Variants in TMTC4 observed in about 807,000 individuals in gnomAD.
The protein encoded by TMTC4 is transmembrane O-mannosyltransferase targeting cadherins 4, also known as protein O-mannosyl-transferase TMTC4.
Under a neutral mutation model 86.0 loss-of-function variants are expected in TMTC4, and 65 were observed. The observed-to-expected ratio is 0.76, with a 90% confidence interval of 0.62 to 0.93. The LOEUF is 0.93. TMTC4 is among the 40% of genes least tolerant of loss of function. TMTC4 has a pLI of 0.00. For synonymous variants in TMTC4, 379 were observed against 382.5 expected, an observed-to-expected ratio of 0.99 and a Z score of 0.11; for missense variants, 866 against 948.1, an observed-to-expected ratio of 0.91 and a Z score of 1.14.
chr13:100,647,525 A>G (rs182233332), intron 6 of TMTC4, among the ~76,000 whole-genome samples: 1 of 152,284 alleles, frequency 6.6e-6, no homozygotes, highest in East Asian at 1.9e-4. Context: ...ACATTCCCCA[A>G]TGTAACAGTC....
At chr13:100,644,094 C>T (rs1566612522) in intron 6 of TMTC4, among the ~76,000 whole-genome samples, 1 of 149,084 alleles carries the variant, frequency 6.7e-6, no homozygotes, top group African/African-American at 2.5e-5. Context: ...GGGTGGGAGG[C>T]GCTCTTTTTT....
Position 100,636,753 on chromosome 13 carries a change from A to C in TMTC4, c.1000-19T>G, listed in dbSNP as rs1882277232. 1 of 1,613,324 alleles carries C rather than the reference A, an allele frequency of 6.2e-7. No individual in the cohort carries two copies. The highest frequency in any genetic ancestry group is 8.5e-7 in the Non-Finnish European group (1 of 1,179,248). Reference sequence around the variant, plus strand: ...TTACGGCCTGCCAGTCAAAAGGAGAACAAACATCTATTTGATACTGAACTT... The same window carrying C: ...TTACGGCCTGCCAGTCAAAAGGAGACCAAACATCTATTTGATACTGAACTT... On this transcript the variant is annotated intron_variant, in intron 9 of 18. Transcript: ENST00000342624.
chr13:100,655,534 G>A (rs1056578559), intron 6 of TMTC4, among the ~76,000 whole-genome samples: 1 of 152,086 alleles, frequency 6.6e-6, no homozygotes, highest in East Asian at 1.9e-4. Context: ...TTCATTATGG[G>A]GCCGGCCAAT....
chr13:100,612,304 C>A, intron 17 of TMTC4, 94 bp downstream of exon 17: 1 of 1,014,988 alleles, frequency 9.9e-7, no homozygotes, highest in Admixed American at 2.6e-5. Flanking sequence ...CTGTTTTGGC[C>A]TGATTCCTAA....
intron 6 of TMTC4, among the ~76,000 whole-genome samples, chr13:100,652,359 G>C (rs559578888): frequency 5.6e-4 from 83 of 148,660 alleles, no homozygotes; most frequent in Non-Finnish European, 1.1e-3. Context: ...GGTGACTGTA[G>C]TCCCAGCTAC....
intron 15 of TMTC4, among the ~76,000 whole-genome samples, chr13:100,615,400 C>T (rs756656283): frequency 1.3e-4 from 20 of 151,346 alleles, no homozygotes; most frequent in Non-Finnish European, 2.6e-4. Flanking sequence ...CTCAGCCTCC[C>T]GAAGTGCTGG....
At chr13:100,663,394 G>C (rs571251026) in intron 4 of TMTC4, among the ~76,000 whole-genome samples, 1 of 152,166 alleles carries the variant, frequency 6.6e-6, no homozygotes, top group South Asian at 2.1e-4. Flanking sequence ...AGGGAAAAAC[G>C]GATGAAACAT....
At chr13:100,645,695 T>C (rs1883641450) in intron 6 of TMTC4, among the ~76,000 whole-genome samples, 1 of 152,240 alleles carries the variant, frequency 6.6e-6, no homozygotes, top group Non-Finnish European at 1.5e-5. Context: ...TAGGCCCAGC[T>C]GTAGTGCTCT....
At chr13:100,611,303 C>T (rs1292517661) in intron 17 of TMTC4, among the ~76,000 whole-genome samples, 2 of 152,152 alleles carry the variant, frequency 1.3e-5, no homozygotes, top group Non-Finnish European at 2.9e-5. Context: ...ATGCATATTC[C>T]AGCTGGGCGT....
intron 6 of TMTC4, among the ~76,000 whole-genome samples, chr13:100,642,715 C>G (rs1883191043): frequency 6.6e-6 from 1 of 152,210 alleles, no homozygotes; most frequent in Non-Finnish European, 1.5e-5. Context: ...CCAATGGTCA[C>G]TGCTGCTGCC....
chr13:100,623,628 A>G (rs1417216194), intron 15 of TMTC4, among the ~76,000 whole-genome samples: 1 of 144,672 alleles, frequency 6.9e-6, no homozygotes, highest in Non-Finnish European at 1.5e-5. Context: ...AGTTTTGGAA[A>G]CTACTAGTTG....
chr13:100,626,040 A>G (rs755989212), intron 13 of TMTC4, 31 bp downstream of exon 13: 17 of 1,613,574 alleles, frequency 1.1e-5, no homozygotes, highest in East Asian at 4.5e-5. Flanking sequence ...ATCTGTGTAC[A>G]TAATTCTTCT....
chr13:100,674,081 A>G, intron 1 of TMTC4: 2 of 985,014 alleles, frequency 2.0e-6, no homozygotes, highest in Non-Finnish European at 2.4e-6. Context: ...AGCCCCGCAG[A>G]GTTCGCAGGA....
At chr13:100,663,235 G>C in intron 4 of TMTC4, 55 bp from the exon 5 acceptor site, 1 of 1,516,516 alleles carries the variant, frequency 6.6e-7, no homozygotes, top group South Asian at 1.1e-5. Flanking sequence ...GGCAAGAAAT[G>C]GCAAAGGTCT....
intron 1 of TMTC4, chr13:100,674,114 T>A (rs572815618): frequency 1.0e-6 from 1 of 984,588 alleles, no homozygotes. Context: ...CTGCGCCACC[T>A]GCTCGGCTTC....
Position 100,654,357 on chromosome 13 carries a change from C to T in TMTC4, c.640+2024G>A, listed in dbSNP as rs117827449. Among the ~76,000 whole-genome samples the T allele has an allele frequency of 2.9e-4, 44 of 152,016 alleles. No homozygotes were observed. The East Asian group carries it at 7.5e-3, about 26-fold the overall frequency. On this transcript the variant is annotated intron_variant, in intron 6 of 18. Coordinates refer to ENST00000342624, the MANE Select transcript of TMTC4 (RefSeq NM_032813.5). Reference sequence around the variant, plus strand: ...CAAATGCTAAAAGAATGTTACCGGACAAAAAAGAAAGGTCATGTTGGTACT... The same window carrying T: ...CAAATGCTAAAAGAATGTTACCGGATAAAAAAGAAAGGTCATGTTGGTACT...
At chr13:100,665,780 GAA>G (rs1184706816) in intron 3 of TMTC4, among the ~76,000 whole-genome samples, 1 of 152,260 alleles carries the variant, frequency 6.6e-6, no homozygotes, top group Non-Finnish European at 1.5e-5. Flanking sequence ...GGAAAGGCTT[GAA>G]AAGAGGTGAC....
At chr13:100,639,140 T>C (rs948867876) in intron 7 of TMTC4, among the ~76,000 whole-genome samples, 3 of 152,148 alleles carry the variant, frequency 2.0e-5, no homozygotes, top group Admixed American at 6.5e-5. Flanking sequence ...CTAAATGACT[T>C]GGGTCTCTTT....
intron 17 of TMTC4, among the ~76,000 whole-genome samples, chr13:100,608,857 T>C (rs1445255227): frequency 2.0e-5 from 3 of 152,212 alleles, no homozygotes; most frequent in Non-Finnish European, 4.4e-5. Flanking sequence ...CTGAAGCATA[T>C]TAGACAAAAT....
Sources: allele counts gnomAD v4.1 joint callset (sites outside exome capture counted in the v4.1 genomes callset), GRCh38; gene constraint gnomAD v4.1.1; transcripts MANE v1.5; gene names NCBI Gene and HGNC (gene_info 2026-07-23, HGNC 2026-07-21).